Variants in MAGI3 observed in about 807,000 individuals in gnomAD.
MAGI3 encodes membrane-associated guanylate kinase, WW and PDZ domain-containing protein 3.
A neutral mutation model predicts 121.8 loss-of-function variants in MAGI3; 43 were observed. The observed-to-expected ratio is 0.35, with a 90% CI of 0.28 to 0.46. The LOEUF (loss-of-function observed/expected upper bound fraction) is 0.46. Among genes scored for constraint, MAGI3 ranks in the 20% least tolerant of loss-of-function variants. The pLI is 1.00. For missense variants in MAGI3, 1,547 were observed against 1,797.3 expected, an observed-to-expected ratio of 0.86 and a Z score of 2.52; for synonymous variants, 553 against 639.3, an observed-to-expected ratio of 0.86 and a Z score of 2.04.
intron 6 of MAGI3, among the ~76,000 whole-genome samples, chr1:113,597,393 G>A (rs1190147538): frequency 6.6e-6 from 1 of 152,120 alleles, no homozygotes; most frequent in East Asian, 1.9e-4. Flanking sequence ...TTGTGGTGAT[G>A]GTTGTACAAT....
intron 1 of MAGI3, among the ~76,000 whole-genome samples, chr1:113,527,335 A>C (rs1658499330): frequency 6.6e-6 from 1 of 152,238 alleles, no homozygotes; most frequent in Non-Finnish European, 1.5e-5. Context: ...TAGGCACATG[A>C]ATTTGGAAGT....
chr1:113,417,763 TGTAA>T (rs1652530608), intron 1 of MAGI3, among the ~76,000 whole-genome samples: 1 of 152,126 alleles, frequency 6.6e-6, no homozygotes, highest in Non-Finnish European at 1.5e-5. Context: ...CCCGTTAGTC[TGTAA>T]GTCTCACTGA....
At chr1:113,674,511 A>G (rs937228860) in intron 19 of MAGI3, among the ~76,000 whole-genome samples, 4 of 151,458 alleles carry the variant, frequency 2.6e-5, no homozygotes, top group African/African-American at 9.7e-5. Flanking sequence ...CGTTCCCCCT[A>G]CTACTCAAAA....
At chr1:113,585,634 A>G (rs572035761) in intron 4 of MAGI3, 38 bp downstream of exon 4, 13 of 1,543,328 alleles carry the variant, frequency 8.4e-6, no homozygotes, top group Middle Eastern at 1.7e-4. Flanking sequence ...CTGATCTTCT[A>G]GATTGATTTT....
chr1:113,586,307 A>G (rs1219225141), intron 4 of MAGI3, among the ~76,000 whole-genome samples: 3 of 152,144 alleles, frequency 2.0e-5, no homozygotes, highest in African/African-American at 7.2e-5. Flanking sequence ...TCCTTTTTTT[A>G]TGTACTGTTC....
rs188703460 is a variant in MAGI3, at chr1:113,532,632, T to A, written c.317-16883T>A. On this transcript the variant is annotated intron_variant, in intron 1 of 20. Coordinates refer to ENST00000307546, the MANE Select transcript of MAGI3 (RefSeq NM_001142782.2). ...GTGGCACTTTTTGCCTACTGGTCCC[T>A]CTTTTAAATACGATAGTATTCTTCA... Among the ~76,000 whole-genome samples, 3 of 152,306 alleles carry A rather than the reference T, an allele frequency of 2.0e-5. No homozygotes were observed. The East Asian group carries it at 5.8e-4, about 29-fold the overall frequency.
At chr1:113,643,031 T>C (rs74798091) in intron 10 of MAGI3, among the ~76,000 whole-genome samples, 3,378 of 152,348 alleles carry the variant, frequency 0.022, 125 homozygotes, top group African/African-American at 0.077. Context: ...TCTTAAGCTC[T>C]AGTATCTGAC....
intron 1 of MAGI3, among the ~76,000 whole-genome samples, chr1:113,488,950 C>A (rs113970873): frequency 2.0e-5 from 3 of 152,230 alleles, no homozygotes; most frequent in South Asian, 2.1e-4. Flanking sequence ...CAGCAGGGGC[C>A]CCCTGCGCCC....
chr1:113,403,128 T>C (rs193186857), intron 1 of MAGI3, among the ~76,000 whole-genome samples: 34 of 152,276 alleles, frequency 2.2e-4, no homozygotes, highest in Admixed American at 2.2e-3. Context: ...GGCTGGGCTC[T>C]AGACTGAGCC....
intron 16 of MAGI3, among the ~76,000 whole-genome samples, chr1:113,668,830 C>T (rs1647346329): frequency 6.6e-6 from 1 of 151,964 alleles, no homozygotes; most frequent in Non-Finnish European, 1.5e-5. Flanking sequence ...GATCCACCCG[C>T]CTCAGCCTCC....
chr1:113,436,757 T>TA (rs1305520722), intron 1 of MAGI3, among the ~76,000 whole-genome samples: 1 of 152,020 alleles, frequency 6.6e-6, no homozygotes, highest in Non-Finnish European at 1.5e-5. Context: ...AAAGTGAAGT[T>TA]ACTCTTACAA....
chr1:113,539,994 T>C (rs1223178204), intron 1 of MAGI3, among the ~76,000 whole-genome samples: 1 of 151,956 alleles, frequency 6.6e-6, no homozygotes, highest in Non-Finnish European at 1.5e-5. Flanking sequence ...ATTTTACCCA[T>C]CTCTACAAAA....
At chr1:113,659,368 A>ACAGT in intron 16 of MAGI3, 103 bp downstream of exon 16, 1 of 1,036,658 alleles carries the variant, frequency 9.6e-7, no homozygotes, top group South Asian at 1.5e-5. Context: ...CTGCGGGGAT[A>ACAGT]TAACTGTGTA....
rs185017172 is a variant in MAGI3 at position 113,439,289 on chromosome 1, A to G, written c.316+47940A>G. 2.0e-5 allele frequency among the ~76,000 whole-genome samples: 3 copies of G among 152,348 alleles called. No homozygotes were observed. The East Asian group carries it at 5.8e-4, about 29-fold the overall frequency. ...TTTTCCATTTAATATTTTTGGACCA[A>G]TATTGACTTCAGGATAACAAACTGG... On this transcript the variant is annotated intron_variant, in intron 1 of 20. Transcript: ENST00000307546.
chr1:113,421,603 A>G (rs1652736565), intron 1 of MAGI3, among the ~76,000 whole-genome samples: 1 of 152,226 alleles, frequency 6.6e-6, no homozygotes, highest in Non-Finnish European at 1.5e-5. Context: ...TTCATGAATT[A>G]TTCCCTACCT....
intron 6 of MAGI3, among the ~76,000 whole-genome samples, chr1:113,604,220 G>A (rs1367043159): frequency 6.6e-6 from 1 of 152,132 alleles, no homozygotes; most frequent in South Asian, 2.1e-4. Flanking sequence ...TTGCAAACAT[G>A]TGGAACCAAC....
At chr1:113,666,072 CT>C (rs2101010098) in intron 16 of MAGI3, among the ~76,000 whole-genome samples, 1 of 152,226 alleles carries the variant, frequency 6.6e-6, no homozygotes, top group Non-Finnish European at 1.5e-5. Flanking sequence ...CTAAGAAATG[CT>C]AATGATCATC....
intron 4 of MAGI3, among the ~76,000 whole-genome samples, chr1:113,586,844 GT>G (rs1249434516): frequency 6.6e-6 from 1 of 152,134 alleles, no homozygotes; most frequent in Non-Finnish European, 1.5e-5. Context: ...GATCACTGCA[GT>G]TCTTTTAGCG....
chr1:113,595,946 G>T (rs1217229), intron 6 of MAGI3, among the ~76,000 whole-genome samples: 2 of 151,874 alleles, frequency 1.3e-5, no homozygotes, highest in Admixed American at 6.6e-5. Context: ...TGAGAAGATC[G>T]CTTGAGTCCA....
Sources: gnomAD v4.1 joint callset for allele counts (sites outside exome capture counted in the v4.1 genomes callset) on GRCh38, gnomAD v4.1.1 for gene constraint, MANE v1.5 for transcripts, NCBI Gene and HGNC (gene_info 2026-07-23, HGNC 2026-07-21) for gene names.